The following MAN2A2 variants were observed in gnomAD, a reference collection of about 807,000 sequenced individuals.
MAN2A2 encodes mannosidase alpha class 2A member 2.
MAN2A2 carries 79 observed loss-of-function variants against 126.8 expected under a neutral mutation model. That is an observed-to-expected ratio of 0.62 (90% confidence interval 0.52 to 0.75). The LOEUF is 0.75. Among genes scored for constraint, MAN2A2 ranks in the 30% least tolerant of loss-of-function variants. The pLI is 0.00. For synonymous variants in MAN2A2, 671 were observed against 618.7 expected, an observed-to-expected ratio of 1.08 and a Z score of -1.25; for missense variants, 1,392 against 1,522.4, an observed-to-expected ratio of 0.91 and a Z score of 1.43.
chr15:90,913,448 A>C (rs896016442), intron 18 of MAN2A2, 42 bp downstream of exon 18: 1 of 1,576,474 alleles, frequency 6.3e-7, no homozygotes. Context: ...ACAGAGTAGA[A>C]CTTGGACTCT....
At chr15:90,914,254 C>T (rs1014792719) in intron 19 of MAN2A2, among the ~76,000 whole-genome samples, 1 of 152,142 alleles carries the variant, frequency 6.6e-6, no homozygotes, top group Non-Finnish European at 1.5e-5. Flanking sequence ...TGCTTGAGCC[C>T]AGGAGCTGGA....
intron 1 of MAN2A2, 92 bp from the exon 2 acceptor site, chr15:90,904,098 A>T: frequency 1.4e-6 from 2 of 1,429,820 alleles, no homozygotes; most frequent in Non-Finnish European, 9.9e-7. Flanking sequence ...GTTCCTTTGG[A>T]ACAGCCCTCA....
intron 4 of MAN2A2, 53 bp from the exon 5 acceptor site, chr15:90,905,792 G>A: frequency 6.3e-7 from 1 of 1,588,872 alleles, no homozygotes; most frequent in South Asian, 1.1e-5. Context: ...TACAAGGGAG[G>A]GACGTCGAAG....
Position 90,905,592 on chromosome 15 carries a change from C to G in MAN2A2, c.404C>G (p.Ser135Trp), listed in dbSNP as rs149665631. 6.2e-7 allele frequency: 1 copy of G among 1,614,008 alleles called. No individual in the cohort carries two copies. The highest frequency in any genetic ancestry group is 1.7e-5 in the Admixed American group (1 of 59,994). The change falls in exon 4 of 23, where the codon TCG (serine) becomes TGG (tryptophan). Residue 135 changes from serine to tryptophan, a missense_variant. By Grantham distance (177) the Ser-to-Trp change is radical. Transcript: ENST00000559717. ...TTCACCTGGCAGATGCTCACTGTGTCGGAGGAGCTGCCGTTTGACAACGTG... is the reference window on the plus strand; with the variant it reads ...TTCACCTGGCAGATGCTCACTGTGTGGGAGGAGCTGCCGTTTGACAACGTG... ...QKPELQMLTVSEELPFDNVDG... is the reference protein window; with the variant it reads ...QKPELQMLTVWEELPFDNVDG...
At chr15:90,905,022 C>T (rs1296397869) in intron 2 of MAN2A2, among the ~76,000 whole-genome samples, 3 of 152,192 alleles carry the variant, frequency 2.0e-5, no homozygotes, top group African/African-American at 7.2e-5. Flanking sequence ...TCTTTGCCAT[C>T]CCTGAGCTAG....
In MAN2A2 at chr15:90,905,981, C is replaced by G. The variant is rs1180083969; in HGVS notation, c.672C>G (p.Asp224Glu). ...AEVSFFAKWWDNINVQKRAAV... is the reference protein window; with the variant it reads ...AEVSFFAKWWENINVQKRAAV... ...TCTCCTTCTTCGCCAAGTGGTGGGA[C>G]AACATCAATGTCCAAAAGAGAGCGG... is the stretch of plus-strand genomic sequence containing the variant. Residue 224 changes from aspartate (D) to glutamate (E), a missense_variant, in exon 5 of 23, where the codon GAC (aspartate) becomes GAG (glutamate). Coordinates refer to ENST00000559717, the MANE Select transcript of MAN2A2 (RefSeq NM_006122.4). The G allele has an allele frequency of 6.2e-7, 1 of 1,614,034 alleles. No homozygotes were observed. Among genetic ancestry groups the G allele is most frequent in the Admixed American group, 1.7e-5 (1 of 60,016 alleles).
Position 90,910,305 on chromosome 15 carries a change from C to T in MAN2A2, c.1577+13C>T, listed in dbSNP as rs1413144423. 6.2e-7 allele frequency: 1 copy of T among 1,613,204 alleles called. No individual in the cohort carries two copies. Among genetic ancestry groups the T allele is most frequent in the East Asian group, 2.2e-5 (1 of 44,890 alleles). On this transcript the variant is annotated intron_variant, in intron 10 of 22. Transcript: ENST00000559717. ...AAGCCCACCTGCGGTGAGACCCTGT[C>T]CCCGCTTCCAGGCTGGAGGGGGAGA...
At chr15:90,918,860 G>C in intron 22 of MAN2A2, 105 bp downstream of exon 22, 2 of 839,978 alleles carry the variant, frequency 2.4e-6, no homozygotes, top group South Asian at 3.1e-5. Context: ...GTCACTCCAG[G>C]GCTTTCTGGA....
Position 90,919,984 on chromosome 15 carries a change from G to T in MAN2A2, c.*197G>T. ...CACAAACCCAGTGATGGGTAAATAG[G>T]GCAGACGCCAGTGAGATCAGGGAGA... On this transcript the variant is annotated 3_prime_UTR_variant, in exon 23 of 23. Coordinates refer to ENST00000559717, the MANE Select transcript of MAN2A2 (RefSeq NM_006122.4). 1 of 610,632 alleles carries T rather than the reference G, an allele frequency of 1.6e-6. No individual in the cohort carries two copies. The allele number at this position is 610,632 out of a possible 1,614,324, so 37.8% of individuals were successfully genotyped here.
In MAN2A2 at chr15:90,903,397, G is replaced by C. The variant is rs1051240041; in HGVS notation, c.-54G>C. 2 of 152,546 alleles carry C rather than the reference G, an allele frequency of 1.3e-5. No individual in the cohort carries two copies. Among genetic ancestry groups the C allele is most frequent in the Non-Finnish European group, 2.9e-5 (2 of 68,290 alleles). The allele number at this position is 152,546 out of a possible 1,614,324, so 9.4% of individuals were successfully genotyped here. A position where few individuals can be genotyped will look rare whatever the true frequency, so the allele number is the denominator to read the frequency against. On this transcript the variant is annotated 5_prime_UTR_variant, in exon 1 of 23. Coordinates refer to ENST00000559717, the MANE Select transcript of MAN2A2 (RefSeq NM_006122.4). ...CCGGAGCGCGGTCCCGCCCACGCTC[G>C]GCTCCGCAGTTAGCGTCCTCCTTCC...
In MAN2A2 at chr15:90,905,385, G is replaced by GCCCTACTA; in HGVS notation, c.269_276dup (p.Thr93ProfsTer162). 6.2e-7 allele frequency: 1 copy of GCCCTACTA among 1,613,954 alleles called. No homozygotes were observed. Among genetic ancestry groups the GCCCTACTA allele is most frequent in the Non-Finnish European group, 8.5e-7 (1 of 1,180,046 alleles). ...ACGCAGAGGGCCCGCCCGCCATGCT[G>GCCCTACTA]CCCTACTACACGGTCAATGGCTCCT... On this transcript the variant is annotated frameshift_variant, in exon 3 of 23. Transcript: ENST00000559717. LOFTEE classifies it high-confidence loss of function.
At chr15:90,919,300 C>T (rs1210141095) in intron 22 of MAN2A2, among the ~76,000 whole-genome samples, 10 of 152,236 alleles carry the variant, frequency 6.6e-5, no homozygotes, top group African/African-American at 2.2e-4. Context: ...AGTGCAGTGG[C>T]GTGATCGCAG....
intron 6 of MAN2A2, 35 bp downstream of exon 6, chr15:90,906,532 T>TGGGCTGTAAGGCACAGGCAG (rs752390684): frequency 3.9e-5 from 63 of 1,613,798 alleles, no homozygotes; most frequent in Admixed American, 3.2e-4. Flanking sequence ...GTCTGCCCCC[T>TGGGCTGTAAGGCACAGGCAG]GGGCTGTAAG....
rs776525016 is a variant in MAN2A2 at position 90,918,672 on chromosome 15, G to A, written c.3217G>A (p.Ala1073Thr). The A allele has an allele frequency of 3.4e-5, 52 of 1,520,800 alleles. No individual in the cohort carries two copies. The highest frequency in any genetic ancestry group is 6.8e-5 in the East Asian group (3 of 44,366). 94.2% of individuals were successfully genotyped at this position (1,520,800 alleles called of 1,614,324 possible). A position where few individuals can be genotyped will look rare whatever the true frequency, so the allele number is the denominator to read the frequency against. Residue 1073 changes from alanine to threonine, a missense_variant, in exon 22 of 23, where the codon GCA becomes ACA. Ala to Thr is a moderately conservative substitution (Grantham distance 58). Transcript: ENST00000559717. ...GGACACCCTACCCTCGGCGGAGACC[G>A]CACTCATCTTACACCGCAAGGGTTT... ...EEDTLPSAET[A>T]LILHRKGFDC...
At position 90,909,294 on chromosome 15, in the gene MAN2A2, C is replaced by A. The variant is rs75692107; in HGVS notation, c.1197-33C>A. On this transcript the variant is annotated intron_variant, in intron 8 of 22. Transcript: ENST00000559717. ...TGGTGCTCTTTTACTGATGAGACTT[C>A]GTGGTGGGCCCATGTTTTTTTTCCT... 3.2e-6 allele frequency: 5 copies of A among 1,586,954 alleles called. No individual in the cohort carries two copies. The African/African-American group carries it at 6.8e-5, about 21-fold the overall frequency.
Position 90,920,896 on chromosome 15 carries a change from C to A in MAN2A2, c.*1109C>A, listed in dbSNP as rs982772027. 1 of 152,202 alleles carries A rather than the reference C, an allele frequency of 6.6e-6. No homozygotes were observed. The highest frequency in any genetic ancestry group is 2.4e-5 in the African/African-American group (1 of 41,440). 9.4% of individuals were successfully genotyped at this position (152,202 alleles called of 1,614,324 possible). A position where few individuals can be genotyped will look rare whatever the true frequency, so the allele number is the denominator to read the frequency against. On this transcript the variant is annotated 3_prime_UTR_variant, in exon 23 of 23. Coordinates refer to ENST00000559717, the MANE Select transcript of MAN2A2 (RefSeq NM_006122.4). ...AGAATTTATGATAGCTCTATAGATG[C>A]TGAAAAGGTATTTCGTAAGATTTAA...
chr15:90,912,974 G>A lies in MAN2A2; in HGVS notation c.2567G>A (p.Arg856Gln), dbSNP rs760893109. ...TATGAGCACATTCACCAGGCGGTCC[G>A]GCTTTACAATCTGCCAGGTGAGCCC... Reference protein sequence around the residue: ...AYYEHIHQAVRLYNLPGVEGL... With the variant: ...AYYEHIHQAVQLYNLPGVEGL... The change falls in exon 17 of 23, where the codon CGG (arginine) becomes CAG (glutamine). Residue 856 changes from arginine (R) to glutamine (Q), a missense_variant. Physicochemically the swap from Arg to Gln is conservative, Grantham distance 43 (BLOSUM62 1). Coordinates refer to ENST00000559717, the MANE Select transcript of MAN2A2 (RefSeq NM_006122.4). 20 of 1,613,652 alleles carry A rather than the reference G, an allele frequency of 1.2e-5. No homozygotes were observed. The highest frequency in any genetic ancestry group is 5.0e-5 in the Admixed American group (3 of 59,974).
chr15:90,907,833 C>T (rs2151298901), intron 8 of MAN2A2, among the ~76,000 whole-genome samples: 1 of 152,288 alleles, frequency 6.6e-6, no homozygotes, highest in East Asian at 1.9e-4. Context: ...GGCTTTAAGT[C>T]AACCACGAGA....
intron 18 of MAN2A2, 82 bp downstream of exon 18, chr15:90,913,488 A>T: frequency 1.3e-6 from 2 of 1,574,274 alleles, no homozygotes; most frequent in South Asian, 1.1e-5. Flanking sequence ...GCCCTGGGGG[A>T]TGATCTGCCC....
Sources: allele counts gnomAD v4.1 joint callset (sites outside exome capture counted in the v4.1 genomes callset), GRCh38; gene constraint gnomAD v4.1.1; transcripts MANE v1.5; gene names NCBI Gene and HGNC (gene_info 2026-07-23, HGNC 2026-07-21).